KIF9: variants seen among roughly 807,000 people sequenced by gnomAD.
KIF9 encodes the protein kinesin-like protein KIF9.
Under a neutral mutation model 94.8 loss-of-function variants are expected in KIF9, and 68 were observed. The observed-to-expected ratio is 0.72, with a 90% CI of 0.59 to 0.88. KIF9 has a LOEUF of 0.88. KIF9 is among the 40% of genes least tolerant of loss of function. The probability of loss-of-function intolerance (pLI) is 0.00; values close to 1 mark genes in which losing one functional copy is unlikely to be tolerated. For synonymous variants in KIF9, 343 were observed against 362.1 expected (o/e 0.95, Z 0.60); for missense variants, 882 against 982.5 (o/e 0.90, Z 1.37).
Position 47,245,444 on chromosome 3 carries a change from CAA to C in KIF9, c.1355_1356del (p.Phe452CysfsTer15), listed in dbSNP as rs1254791455. The C allele has an allele frequency of 1.2e-6, 2 of 1,613,972 alleles. No homozygotes were observed. The highest frequency in any genetic ancestry group is 2.2e-5 in the South Asian group (2 of 91,068). ...RKYTLIDRND[F>X]AAISAIQKAG... Reference sequence around the variant, plus strand: ...ACCTTCTGGATAGCAGAAATGGCTGCAAAGTCATTCCTGTCAATGAGGGTGTA... The same window carrying C: ...ACCTTCTGGATAGCAGAAATGGCTGCAGTCATTCCTGTCAATGAGGGTGTA... On this transcript the variant is annotated frameshift_variant, in exon 14 of 21. Coordinates refer to ENST00000684063, the MANE Select transcript of KIF9 (RefSeq NM_182902.4). LOFTEE classifies it high-confidence loss of function.
intron 7 of KIF9, 56 bp downstream of exon 7, chr3:47,266,920 G>A: frequency 3.9e-6 from 5 of 1,274,458 alleles, no homozygotes; most frequent in Non-Finnish European, 5.7e-6. Context: ...CAGGCACTGT[G>A]CCAGAAAAAG....
intron 10 of KIF9, among the ~76,000 whole-genome samples, chr3:47,251,803 T>C (rs1263965640): frequency 6.6e-6 from 1 of 152,192 alleles, no homozygotes; most frequent in Non-Finnish European, 1.5e-5. Flanking sequence ...TGGAGTATAC[T>C]AAGTCTCTCC....
intron 5 of KIF9, 116 bp from the exon 6 acceptor site, chr3:47,267,379 C>G: frequency 1.3e-6 from 1 of 769,938 alleles, no homozygotes; most frequent in South Asian, 1.5e-5. Flanking sequence ...CTGCGATCAG[C>G]TGGGCCTTCC....
At chr3:47,235,717 C>A in intron 19 of KIF9, 100 bp from the exon 20 acceptor site, 6 of 861,036 alleles carry the variant, frequency 7.0e-6, no homozygotes, top group Non-Finnish European at 1.1e-5. Context: ...TTGTGCCACA[C>A]ACCGCCCCAC....
intron 10 of KIF9, chr3:47,248,301 C>G (rs985575874): frequency 1.8e-6 from 1 of 566,006 alleles, no homozygotes; most frequent in Non-Finnish European, 3.1e-6. Context: ...AGGACCTGAA[C>G]AGTCCCCTGG....
chr3:47,256,962 A>G (rs774201657), intron 10 of KIF9, among the ~76,000 whole-genome samples: 1 of 152,082 alleles, frequency 6.6e-6, no homozygotes, highest in African/African-American at 2.4e-5. Context: ...TTTAAGAGTC[A>G]TCACCACTCC....
intron 4 of KIF9, among the ~76,000 whole-genome samples, chr3:47,273,161 T>G (rs1321402758): frequency 5.3e-5 from 8 of 152,042 alleles, no homozygotes; most frequent in Non-Finnish European, 1.5e-5. Context: ...AAAGCCAGAG[T>G]AGGCCAGTAA....
intron 10 of KIF9, among the ~76,000 whole-genome samples, chr3:47,250,372 T>C (rs1457079314): frequency 6.6e-6 from 1 of 152,204 alleles, no homozygotes; most frequent in Non-Finnish European, 1.5e-5. Context: ...ATTATTATTA[T>C]GTATCTCCCC....
chr3:47,271,575 C>T (rs1240841121), intron 4 of KIF9, 114 bp from the exon 5 acceptor site: 1 of 748,714 alleles, frequency 1.3e-6, no homozygotes, highest in African/African-American at 1.7e-5. Context: ...TAATTATTGT[C>T]CTAAAGGAAT....
At chr3:47,271,176 T>G in intron 5 of KIF9, 61 bp downstream of exon 5, 2 of 1,165,508 alleles carry the variant, frequency 1.7e-6, no homozygotes, top group Non-Finnish European at 2.5e-6. Flanking sequence ...AAAGAAAAGC[T>G]GAGAAGGAGG....
At chr3:47,252,570 T>C (rs1259861403) in intron 10 of KIF9, among the ~76,000 whole-genome samples, 2 of 150,734 alleles carry the variant, frequency 1.3e-5, no homozygotes, top group African/African-American at 4.9e-5. Flanking sequence ...GCACTCCAGC[T>C]TGGGTGACAA....
chr3:47,236,572 G>T lies in KIF9; in HGVS notation c.1972C>A (p.Leu658Met). 1 of 1,614,010 alleles carries T rather than the reference G, an allele frequency of 6.2e-7. No homozygotes were observed. Among genetic ancestry groups the T allele is most frequent in the Non-Finnish European group, 8.5e-7 (1 of 1,179,994 alleles). ...AGGTCTTTGAGCTTGAGGATCAGCAGGAATTCTTCCTCATCGATGATCATC... is the reference window on the plus strand; with the variant it reads ...AGGTCTTTGAGCTTGAGGATCAGCATGAATTCTTCCTCATCGATGATCATC... ...GLMIIDEEEF[L>M]LILKLKDLKK... is the part of the protein sequence containing the mutation. Residue 658 changes from leucine to methionine, a missense_variant, in exon 18 of 21, where the codon CTG becomes ATG. Leu to Met is a conservative substitution (Grantham distance 15). Transcript: ENST00000684063.
chr3:47,269,438 T>C (rs1701498304), intron 5 of KIF9, among the ~76,000 whole-genome samples: 1 of 151,972 alleles, frequency 6.6e-6, no homozygotes, highest in South Asian at 2.1e-4. Flanking sequence ...TGCGCCCCCA[T>C]GCCTGGCTAA....
intron 5 of KIF9, among the ~76,000 whole-genome samples, chr3:47,270,478 C>T (rs1158352517): frequency 5.3e-5 from 8 of 151,972 alleles, no homozygotes; most frequent in African/African-American, 1.9e-4. Flanking sequence ...TGGTCTCAAA[C>T]TCCTGATCTC....
At chr3:47,282,401 T>C (rs1702446328) in intron 1 of KIF9, 94 bp downstream of exon 1, 1 of 986,382 alleles carries the variant, frequency 1.0e-6, no homozygotes, top group Non-Finnish European at 1.2e-6. Flanking sequence ...AACCCCCAGA[T>C]AAAGCGGTTT....
At position 47,277,369 on chromosome 3, in the gene KIF9, A is replaced by C. The variant is rs778292561; in HGVS notation, c.6T>G (p.Gly2=). 2.6e-5 allele frequency: 42 copies of C among 1,612,338 alleles called. No homozygotes were observed. Among genetic ancestry groups the C allele is most frequent in the Non-Finnish European group, 3.6e-5 (42 of 1,178,730 alleles). The part of the protein sequence containing the change: M[G]TRKKVHAFVR... ...CAAATGCATGAACTTTTTTCCTAGT[A>C]CCCATTCTAGCTAAAAAGAAGGGAA... The change falls in exon 2 of 21, where the codon GGT becomes GGG. Residue 2 remains glycine, a synonymous_variant. Coordinates refer to ENST00000684063, the MANE Select transcript of KIF9 (RefSeq NM_182902.4).
Position 47,228,789 on chromosome 3 carries a change from A to G in KIF9, c.2323-87T>C, listed in dbSNP as rs529169361. The G allele has an allele frequency of 4.9e-5, 50 of 1,016,648 alleles. No individual in the cohort carries two copies. The South Asian group carries it at 5.9e-4, about 12-fold the overall frequency. 63.0% of individuals were successfully genotyped at this position (1,016,648 alleles called of 1,614,324 possible). ...AGACCAGGCCACTCACATTCACCCT[A>G]TCATTCCTCCTGCAAACATCATGGG... On this transcript the variant is annotated intron_variant, in intron 20 of 20. Transcript: ENST00000684063.
At chr3:47,264,197 G>A (rs1559455998) in intron 9 of KIF9, 89 bp downstream of exon 9, 1 of 989,474 alleles carries the variant, frequency 1.0e-6, no homozygotes, top group Non-Finnish European at 1.6e-6. Flanking sequence ...TATGGCCACT[G>A]TGCCAGGGTA....
intron 9 of KIF9, among the ~76,000 whole-genome samples, chr3:47,262,526 G>A (rs968139147): frequency 6.6e-6 from 1 of 152,112 alleles, no homozygotes; most frequent in Non-Finnish European, 1.5e-5. Context: ...GCCCACCTCA[G>A]CCTCCCAAAG....
Sources: gnomAD v4.1 joint callset for allele counts (sites outside exome capture counted in the v4.1 genomes callset) on GRCh38, gnomAD v4.1.1 for gene constraint, MANE v1.5 for transcripts, NCBI Gene and HGNC (gene_info 2026-07-23, HGNC 2026-07-21) for gene names.